The following LINGO2 variants were observed in gnomAD, a reference collection of about 807,000 sequenced individuals.
LINGO2 encodes leucine rich repeat and Ig domain containing 2, also known as leucine-rich repeat and immunoglobulin-like domain-containing nogo receptor-interacting protein 2.
Under a neutral mutation model 30.6 loss-of-function variants are expected in LINGO2, and 14 were observed. That is an observed-to-expected ratio of 0.46 (90% CI 0.30 to 0.72). The LOEUF is 0.72. Ranked by LOEUF, LINGO2 falls within the 30% of genes least tolerant of loss-of-function variation. LINGO2 has a pLI of 0.07. For missense variants in LINGO2, 729 were observed against 751.7 expected (o/e 0.97, Z 0.35); for synonymous variants, 317 against 288.5 (o/e 1.10, Z -1.00).
chr9:28,890,056 G>A, the LINGO2 span, among the ~76,000 whole-genome samples: 1 of 152,026 alleles, frequency 6.6e-6, no homozygotes, highest in African/African-American at 2.4e-5. Context: ...CTCATGCTTG[G>A]TACAGAATAG....
chr9:28,877,056 A>G, the LINGO2 span, among the ~76,000 whole-genome samples: 22,248 of 151,066 alleles, frequency 0.15, 1,818 homozygotes, highest in East Asian at 0.33. Context: ...CTTCTTTTGA[A>G]AAGTGTCTGT....
At chr9:28,720,335 C>G in the LINGO2 span, among the ~76,000 whole-genome samples, 1 of 152,032 alleles carries the variant, frequency 6.6e-6, no homozygotes, top group Non-Finnish European at 1.5e-5. Flanking sequence ...GCATAATTTG[C>G]TTAGTTTGCT....
chr9:28,881,219 G>T, the LINGO2 span, among the ~76,000 whole-genome samples: 4 of 152,064 alleles, frequency 2.6e-5, no homozygotes, highest in Non-Finnish European at 5.9e-5. Flanking sequence ...CCTTCACCGG[G>T]TTCCAGCGAT....
chr9:29,003,772 C>G, the LINGO2 span, among the ~76,000 whole-genome samples: 7 of 152,072 alleles, frequency 4.6e-5, no homozygotes, highest in Admixed American at 4.6e-4. Context: ...TAGTTACAAA[C>G]TCAACTGTGG....
chr9:27,979,946 C>G (rs1018635708), intron 5 of LINGO2, among the ~76,000 whole-genome samples: 3 of 151,944 alleles, frequency 2.0e-5, no homozygotes, highest in African/African-American at 7.2e-5. Flanking sequence ...AGAATCATAT[C>G]TCATGTGGGT....
chr9:28,124,484 A>G lies in LINGO2; in HGVS notation c.-86-112079T>C, dbSNP rs535844679. ...TCACATTTATAATGATGCATATTAT[A>G]CCATCTGTACACTCCTATTAAAGCA... On this transcript the variant is annotated intron_variant, in intron 4 of 5. Transcript: ENST00000379992. Among the ~76,000 whole-genome samples the G allele has an allele frequency of 1.4e-4, 22 of 152,358 alleles. No homozygotes were observed. In the South Asian group the frequency reaches 4.3e-3, roughly 30 times the overall value.
the LINGO2 span, among the ~76,000 whole-genome samples, chr9:29,168,058 C>G: frequency 6.6e-6 from 1 of 151,816 alleles, no homozygotes; most frequent in African/African-American, 2.4e-5. Flanking sequence ...GTTTATTTGT[C>G]TTTTTTTAAT....
At chr9:29,059,984 A>G in the LINGO2 span, among the ~76,000 whole-genome samples, 4 of 152,100 alleles carry the variant, frequency 2.6e-5, no homozygotes, top group East Asian at 7.7e-4. Flanking sequence ...ACAACTAAAA[A>G]TTCTGAATGA....
chr9:27,983,364 C>T (rs144785338), intron 5 of LINGO2, among the ~76,000 whole-genome samples: 185 of 151,858 alleles, frequency 1.2e-3, no homozygotes, highest in African/African-American at 4.0e-3. Context: ...GGGACCTTAA[C>T]GGAAAAGAGG....
intron 1 of LINGO2, among the ~76,000 whole-genome samples, chr9:28,638,419 G>A (rs148942354): frequency 3.9e-5 from 6 of 152,222 alleles, no homozygotes; most frequent in African/African-American, 1.4e-4. Context: ...TGTACCTCTG[G>A]TAGAATTTCA....
chr9:28,236,899 T>A (rs1334220491), intron 4 of LINGO2, among the ~76,000 whole-genome samples: 6 of 152,140 alleles, frequency 3.9e-5, no homozygotes, highest in Non-Finnish European at 5.9e-5. Flanking sequence ...ATAACTGGAT[T>A]GTTTGTAACA....
At chr9:28,288,394 G>C (rs1823596603) in intron 4 of LINGO2, among the ~76,000 whole-genome samples, 2 of 152,230 alleles carry the variant, frequency 1.3e-5, no homozygotes, top group Non-Finnish European at 2.9e-5. Flanking sequence ...CAGCTGAAAT[G>C]CCTCTTAAGC....
chr9:28,283,951 C>A (rs1243478418), intron 4 of LINGO2, among the ~76,000 whole-genome samples: 2 of 152,068 alleles, frequency 1.3e-5, no homozygotes, highest in Admixed American at 1.3e-4. Context: ...AAACTTTATC[C>A]TTAGAATGAG....
At chr9:28,385,075 G>C (rs1821524202) in intron 2 of LINGO2, among the ~76,000 whole-genome samples, 1 of 152,078 alleles carries the variant, frequency 6.6e-6, no homozygotes, top group African/African-American at 2.4e-5. Context: ...CTAGACACTG[G>C]GGTACAGGAG....
intron 3 of LINGO2, among the ~76,000 whole-genome samples, chr9:28,333,730 T>A (rs1183933029): frequency 6.6e-6 from 1 of 152,186 alleles, no homozygotes; most frequent in Non-Finnish European, 1.5e-5. Context: ...CTCTGATTTA[T>A]GCATACACAG....
At chr9:28,744,247 C>T in the LINGO2 span, among the ~76,000 whole-genome samples, 1 of 151,882 alleles carries the variant, frequency 6.6e-6, no homozygotes, top group East Asian at 1.9e-4. Flanking sequence ...ATAGTAACTT[C>T]CTTAATTGTT....
chr9:28,010,815 C>T (rs1382797809), intron 5 of LINGO2, among the ~76,000 whole-genome samples: 3 of 152,140 alleles, frequency 2.0e-5, no homozygotes, highest in Non-Finnish European at 2.9e-5. Context: ...AATTAGCAGG[C>T]CTGGTGGCAT....
At chr9:28,907,329 A>G in the LINGO2 span, among the ~76,000 whole-genome samples, 1 of 151,958 alleles carries the variant, frequency 6.6e-6, no homozygotes, top group Non-Finnish European at 1.5e-5. Flanking sequence ...GCATAGTAAC[A>G]GTAGCAAAAG....
chr9:28,158,886 G>A (rs1828210654), intron 4 of LINGO2, among the ~76,000 whole-genome samples: 1 of 152,132 alleles, frequency 6.6e-6, no homozygotes, highest in African/African-American at 2.4e-5. Flanking sequence ...TACTTCCATT[G>A]TAAACACTGA....
Sources: gnomAD v4.1 joint callset for allele counts (sites outside exome capture counted in the v4.1 genomes callset) on GRCh38, gnomAD v4.1.1 for gene constraint, MANE v1.5 for transcripts, NCBI Gene and HGNC (gene_info 2026-07-23, HGNC 2026-07-21) for gene names.